The following CCDC178 variants were observed in gnomAD, a reference collection of about 807,000 sequenced individuals.
CCDC178 encodes the protein coiled-coil domain-containing protein 178.
CCDC178 carries 126 observed loss-of-function variants against 117.4 expected under a neutral mutation model. That is an observed-to-expected ratio of 1.07 (90% CI 0.93 to 1.24). The LOEUF (loss-of-function observed/expected upper bound fraction) is 1.24. CCDC178 is among the 50% of genes most tolerant of loss of function. CCDC178 has a pLI of 0.00. For missense variants in CCDC178, 1,030 were observed against 986.9 expected (o/e 1.04, Z -0.59); for synonymous variants, 283 against 313.4 (o/e 0.90, Z 1.02).
chr18:33,316,188 G>A (rs773456751), intron 11 of CCDC178, among the ~76,000 whole-genome samples: 5 of 152,240 alleles, frequency 3.3e-5, no homozygotes, highest in African/African-American at 4.8e-5. Flanking sequence ...GGCTGGCCAA[G>A]GCCGGAGCCA....
intron 20 of CCDC178, among the ~76,000 whole-genome samples, chr18:33,146,908 C>T (rs575774972): frequency 6.6e-6 from 1 of 152,098 alleles, no homozygotes; most frequent in Non-Finnish European, 1.5e-5. Context: ...AAAAAATACC[C>T]GTAAAGTTAC....
At chr18:33,304,652 G>C (rs1183457611) in intron 11 of CCDC178, among the ~76,000 whole-genome samples, 1 of 152,098 alleles carries the variant, frequency 6.6e-6, no homozygotes, top group Non-Finnish European at 1.5e-5. Flanking sequence ...TAAGAAACAG[G>C]ATGCCTGGAT....
intron 20 of CCDC178, among the ~76,000 whole-genome samples, chr18:33,185,119 C>T (rs1270390071): frequency 1.3e-5 from 2 of 151,934 alleles, no homozygotes; most frequent in Non-Finnish European, 2.9e-5. Flanking sequence ...TTAGCCCCCT[C>T]TTCCACAGAA....
At chr18:33,419,387 G>C (rs2063991971) in intron 2 of CCDC178, among the ~76,000 whole-genome samples, 1 of 152,204 alleles carries the variant, frequency 6.6e-6, no homozygotes. Context: ...CCCTGGCAAA[G>C]ATTTCATGAA....
chr18:33,084,595 G>A (rs934516831), intron 21 of CCDC178, among the ~76,000 whole-genome samples: 17 of 152,032 alleles, frequency 1.1e-4, no homozygotes, highest in East Asian at 3.9e-4. Flanking sequence ...GGCAGATCAC[G>A]AGGTCAGGAG....
chr18:33,367,158 G>A (rs1337501220), intron 6 of CCDC178, among the ~76,000 whole-genome samples: 1 of 152,032 alleles, frequency 6.6e-6, no homozygotes, highest in East Asian at 1.9e-4. Flanking sequence ...TGGGGAATGT[G>A]TGATGTTTTG....
chr18:33,411,228 T>C (rs958817056), intron 3 of CCDC178, among the ~76,000 whole-genome samples: 19 of 152,210 alleles, frequency 1.2e-4, no homozygotes, highest in African/African-American at 4.6e-4. Flanking sequence ...GACTACCTAT[T>C]GTTCTCAAAG....
intron 20 of CCDC178, among the ~76,000 whole-genome samples, chr18:33,169,569 C>T (rs1031801051): frequency 2.0e-5 from 3 of 152,142 alleles, no homozygotes; most frequent in Non-Finnish European, 2.9e-5. Context: ...TTCAGGGTTA[C>T]ACTAAAATAT....
rs140349979 is a variant in CCDC178 at position 33,343,287 on chromosome 18, T to C, written c.658+2924A>G. 3.7e-4 allele frequency among the ~76,000 whole-genome samples: 57 copies of C among 152,338 alleles called. 1 individual carries two copies. In the East Asian group the frequency reaches 0.011, roughly 29 times the overall value. ...TTTGGGTATAATATAATATAGGTACTCTTTTATTTTGCAAGGGAAAACTGC... is the reference window on the plus strand; with the variant it reads ...TTTGGGTATAATATAATATAGGTACCCTTTTATTTTGCAAGGGAAAACTGC... On this transcript the variant is annotated intron_variant, in intron 9 of 22. Coordinates refer to ENST00000383096, the MANE Select transcript of CCDC178 (RefSeq NM_001105528.4).
chr18:33,150,047 G>A (rs1207201482), intron 20 of CCDC178, among the ~76,000 whole-genome samples: 1 of 152,126 alleles, frequency 6.6e-6, no homozygotes, highest in Non-Finnish European at 1.5e-5. Context: ...TAGGCATGTA[G>A]ATCAATGGAA....
chr18:33,234,793 A>G (rs1168457608), intron 15 of CCDC178, among the ~76,000 whole-genome samples: 1 of 152,168 alleles, frequency 6.6e-6, no homozygotes, highest in Non-Finnish European at 1.5e-5. Flanking sequence ...AATAAAAGCT[A>G]TTACATGTGG....
intron 20 of CCDC178, among the ~76,000 whole-genome samples, chr18:33,195,917 A>G (rs2058924226): frequency 1.3e-5 from 2 of 152,134 alleles, no homozygotes; most frequent in Non-Finnish European, 2.9e-5. Flanking sequence ...CTGTTAAGTA[A>G]TGTCTGGTTT....
chr18:33,132,870 T>C (rs1030003821), intron 20 of CCDC178, among the ~76,000 whole-genome samples: 2 of 151,810 alleles, frequency 1.3e-5, no homozygotes, highest in African/African-American at 2.4e-5. Flanking sequence ...GATGTAATAA[T>C]ACAGCAGAAT....
chr18:33,248,608 A>G (rs2059578589), intron 14 of CCDC178, among the ~76,000 whole-genome samples: 1 of 151,908 alleles, frequency 6.6e-6, no homozygotes, highest in Non-Finnish European at 1.5e-5. Context: ...ATCCTTTTTT[A>G]TGGCTGCATA....
chr18:33,076,634 T>C (rs1225717902), intron 21 of CCDC178, among the ~76,000 whole-genome samples: 2 of 152,228 alleles, frequency 1.3e-5, no homozygotes, highest in Non-Finnish European at 2.9e-5. Flanking sequence ...TATAATATTC[T>C]TTCCTTAAAT....
At chr18:33,285,686 C>T (rs1025501838) in intron 12 of CCDC178, among the ~76,000 whole-genome samples, 18 of 152,064 alleles carry the variant, frequency 1.2e-4, no homozygotes, top group Non-Finnish European at 1.0e-4. Context: ...TAATACATCA[C>T]CTCAATAGGT....
Position 33,386,281 on chromosome 18 carries a change from A to C in CCDC178, c.208+3259T>G, listed in dbSNP as rs937885923. 2.0e-5 allele frequency among the ~76,000 whole-genome samples: 3 copies of C among 152,220 alleles called. No homozygotes were observed. In the East Asian group the frequency reaches 5.8e-4, roughly 29 times the overall value. On this transcript the variant is annotated intron_variant, in intron 5 of 22. Transcript: ENST00000383096. The stretch of plus-strand genomic sequence containing the variant: ...TAGCTGAATTCTACCAGAGGTAAAA[A>C]GAGGAGCTGGTACCATATCTTCTGA...
intron 14 of CCDC178, among the ~76,000 whole-genome samples, chr18:33,262,905 A>G (rs905935690): frequency 2.0e-5 from 3 of 152,204 alleles, no homozygotes; most frequent in African/African-American, 7.2e-5. Context: ...TAATATTCTG[A>G]ACCTGAATAT....
At chr18:33,293,460 GACC>G in intron 11 of CCDC178, 148 bp from the exon 12 acceptor site, 1 of 418,294 alleles carries the variant, frequency 2.4e-6, no homozygotes, top group Non-Finnish European at 4.1e-6. Context: ...AGGAGTTCAA[GACC>G]AGCTTGGGCA....
Sources: gnomAD v4.1 joint callset for allele counts (sites outside exome capture counted in the v4.1 genomes callset) on GRCh38, gnomAD v4.1.1 for gene constraint, MANE v1.5 for transcripts, NCBI Gene and HGNC (gene_info 2026-07-23, HGNC 2026-07-21) for gene names.